Variants in OR3A2 observed in about 807,000 individuals in gnomAD.
OR3A2 encodes olfactory receptor family 3 subfamily A member 2, also known as olfactory receptor 3A2.
For missense variants in OR3A2, 318 were observed against 392.8 expected (o/e 0.81, Z 1.61); for synonymous variants, 126 against 159.3 (o/e 0.79, Z 1.57).
intron 2 of OR3A2, among the ~76,000 whole-genome samples, chr17:3,356,916 A>G (rs1224639183): frequency 6.6e-6 from 1 of 151,724 alleles, no homozygotes; most frequent in African/African-American, 2.4e-5. Context: ...TTTCTCATTA[A>G]GTACTATTGA....
intron 2 of OR3A2, among the ~76,000 whole-genome samples, chr17:3,342,854 C>A (rs1026800885): frequency 3.9e-5 from 6 of 152,242 alleles, no homozygotes; most frequent in African/African-American, 1.2e-4. Context: ...GAAGTTTCTG[C>A]TGCCTTTTGT....
chr17:3,281,930 T>G (rs73977613), intron 1 of OR3A2, among the ~76,000 whole-genome samples: 24 of 152,182 alleles, frequency 1.6e-4, no homozygotes, highest in East Asian at 1.5e-3. Context: ...GTATGGGTGT[T>G]TCCTTAGCGC....
chr17:3,326,783 T>C (rs1014570717), intron 3 of OR3A2, among the ~76,000 whole-genome samples: 1 of 140,460 alleles, frequency 7.1e-6, no homozygotes, highest in Admixed American at 7.5e-5. Flanking sequence ...AATTCCCACC[T>C]ATGAGTGAGA....
intron 3 of OR3A2, among the ~76,000 whole-genome samples, chr17:3,328,145 C>A (rs62091263): frequency 1.1e-4 from 16 of 141,144 alleles, no homozygotes; most frequent in Non-Finnish European, 2.3e-4. Context: ...AATTACCTTG[C>A]GCAGTATGGC....
chr17:3,332,576 A>C (rs2049246163), intron 3 of OR3A2, among the ~76,000 whole-genome samples: 1 of 152,178 alleles, frequency 6.6e-6, no homozygotes, highest in Non-Finnish European at 1.5e-5. Context: ...CGGTGTGCAC[A>C]CCCACTGACC....
intron 2 of OR3A2, among the ~76,000 whole-genome samples, chr17:3,357,891 A>G (rs188523729): frequency 1.3e-5 from 2 of 151,608 alleles, no homozygotes; most frequent in East Asian, 3.9e-4. Context: ...TTTTACCACA[A>G]AAACAATTTT....
intron 2 of OR3A2, among the ~76,000 whole-genome samples, chr17:3,360,921 G>A (rs1597358061): frequency 2.0e-5 from 3 of 151,748 alleles, no homozygotes; most frequent in Middle Eastern, 3.4e-3. Context: ...GGCTCCATAT[G>A]AACTTTAAAG....
At chr17:3,288,584 C>A (rs191222016), upstream of OR3A2, among the ~76,000 whole-genome samples, 5 of 152,172 alleles carry the variant, frequency 3.3e-5, no homozygotes, top group East Asian at 9.6e-4. Context: ...CACCCATAAT[C>A]AAAGAAATTC....
rs1023587278 is a variant in OR3A2, at chr17:3,357,386, A to ACCC, written c.-178-21263_-178-21261dup. On this transcript the variant is annotated intron_variant, in intron 2 of 4. Coordinates refer to the OR3A2 transcript ENST00000573491. Reference sequence around the variant, plus strand: ...AAGGCAAAGTACATAATGCAGACCAACCCTCCCCATGAAAATAAAAAGCCA... The same window carrying ACCC: ...AAGGCAAAGTACATAATGCAGACCAACCCCCCTCCCCATGAAAATAAAAAGCCA... Among the ~76,000 whole-genome samples, 6 of 151,530 alleles carry ACCC rather than the reference A, an allele frequency of 4.0e-5. 2 individuals carry two copies. The highest frequency in any genetic ancestry group is 1.5e-4 in the African/African-American group (6 of 40,934).
Position 3,386,140 on chromosome 17 carries a change from G to A in OR3A2, c.-290C>T. ...CTTGGGTCACCTGAGCCTCGTGGAC[G>A]TCTGCTTTACCACCGTCACGGTCCC... On this transcript the variant is annotated 5_prime_UTR_variant, in exon 1 of 5. The change creates a new upstream start codon in the 5' untranslated region. Transcript: ENST00000573491. 1 of 398,860 alleles carries A rather than the reference G, an allele frequency of 2.5e-6. No homozygotes were observed. The allele number at this position is 398,860 out of a possible 1,614,324, so 24.7% of individuals were successfully genotyped here.
chr17:3,333,352 A>G (rs1395594369), intron 3 of OR3A2, among the ~76,000 whole-genome samples: 1 of 152,180 alleles, frequency 6.6e-6, no homozygotes, highest in Non-Finnish European at 1.5e-5. Flanking sequence ...CAATATGTGC[A>G]CAGCTGAACA....
chr17:3,340,150 G>A (rs2049305408), intron 2 of OR3A2, among the ~76,000 whole-genome samples: 1 of 151,850 alleles, frequency 6.6e-6, no homozygotes, highest in Non-Finnish European at 1.5e-5. Flanking sequence ...ACATCTATTT[G>A]ATTCTTCTCT....
At chr17:3,299,232 T>C (rs2048943955) in intron 3 of OR3A2, among the ~76,000 whole-genome samples, 1 of 151,754 alleles carries the variant, frequency 6.6e-6, no homozygotes. Context: ...GGAACAAGAG[T>C]TCTGAGCAGA....
intron 2 of OR3A2, among the ~76,000 whole-genome samples, chr17:3,346,507 C>T (rs954879917): frequency 2.0e-5 from 3 of 152,148 alleles, no homozygotes; most frequent in Admixed American, 6.6e-5. Flanking sequence ...CCATCCCCTC[C>T]AGCATTTGTC....
intron 3 of OR3A2, among the ~76,000 whole-genome samples, chr17:3,322,439 C>T (rs555062209): frequency 2.0e-3 from 303 of 152,164 alleles, no homozygotes; most frequent in Non-Finnish European, 3.1e-3. Flanking sequence ...GCTCTTGCTT[C>T]TCTAGTTCTT....
At chr17:3,291,853 A>G (rs1241146351) in intron 3 of OR3A2, 2 of 1,614,014 alleles carry the variant, frequency 1.2e-6, no homozygotes, top group African/African-American at 1.3e-5. Context: ...TGGGAGCCAC[A>G]TGTGGAGAAG....
chr17:3,384,718 G>A (rs1351181836), intron 1 of OR3A2, among the ~76,000 whole-genome samples: 1 of 152,126 alleles, frequency 6.6e-6, no homozygotes, highest in Non-Finnish European at 1.5e-5. Flanking sequence ...TCAGCAAATT[G>A]TCCAAATCCA....
Position 3,373,462 on chromosome 17 carries a change from T to C in OR3A2, c.-179+10342A>G, listed in dbSNP as rs143762747. ...GTTCTAGTAGTAATTGTTTTATACATTTGGGAGCTCCAGTGTTCGGTACAT... is the reference window on the plus strand; with the variant it reads ...GTTCTAGTAGTAATTGTTTTATACACTTGGGAGCTCCAGTGTTCGGTACAT... On this transcript the variant is annotated intron_variant, in intron 2 of 4. Transcript: ENST00000573491. Among the ~76,000 whole-genome samples, 201 of 152,334 alleles carry C rather than the reference T, an allele frequency of 1.3e-3. 1 individual carries two copies. Among genetic ancestry groups the C allele is most frequent in the South Asian group, 0.011 (55 of 4,832 alleles).
chr17:3,278,967 T>A lies in OR3A2; in HGVS notation c.-6-44A>T, dbSNP rs779782855. On this transcript the variant is annotated intron_variant, in intron 1 of 1. Coordinates refer to ENST00000642052, the Ensembl canonical transcript of OR3A2. Reference sequence around the variant, plus strand: ...GCAGGGGAGGTATCAGTTCACTCAGTTCACTTATTCAACATTAATATTTTA... The same window carrying A: ...GCAGGGGAGGTATCAGTTCACTCAGATCACTTATTCAACATTAATATTTTA... 20 of 1,576,774 alleles carry A rather than the reference T, an allele frequency of 1.3e-5. No individual in the cohort carries two copies. The Admixed American group carries it at 3.7e-4, about 29-fold the overall frequency.
Sources: gnomAD v4.1 joint callset for allele counts (sites outside exome capture counted in the v4.1 genomes callset) on GRCh38, gnomAD v4.1.1 for gene constraint, MANE v1.5 for transcripts, NCBI Gene and HGNC (gene_info 2026-07-23, HGNC 2026-07-21) for gene names.